ZNF473: variants seen among roughly 807,000 people sequenced by gnomAD.
ZNF473 encodes zinc finger protein 473, also known as zinc finger protein 100 homolog.
In ZNF473, 4 loss-of-function variants were observed where a neutral mutation model predicts 11.1. The observed-to-expected ratio is 0.36, with a 90% CI of 0.18 to 0.82. The LOEUF (loss-of-function observed/expected upper bound fraction) is 0.82, where lower values mean the gene tolerates loss of function less well. ZNF473 is among the 40% of genes least tolerant of loss of function. ZNF473 has a pLI of 0.49. For missense variants in ZNF473, 854 were observed against 1,084.0 expected (o/e 0.79, Z 2.98); for synonymous variants, 404 against 390.4 (o/e 1.03, Z -0.41).
intron 1 of ZNF473, among the ~76,000 whole-genome samples, chr19:50,029,395 C>A (rs570177783): frequency 6.6e-6 from 1 of 152,234 alleles, no homozygotes; most frequent in Non-Finnish European, 1.5e-5. Context: ...ATCCGCCTGC[C>A]TTGGCCTCCC....
rs1459470921 is a variant in ZNF473, at chr19:50,045,216, C to T, written c.773C>T (p.Thr258Ile). 6.2e-7 allele frequency: 1 copy of T among 1,614,214 alleles called. No individual in the cohort carries two copies. The highest frequency in any genetic ancestry group is 8.5e-7 in the Non-Finnish European group (1 of 1,180,042). ...RNASLSVYPK[T>I]HTGYKFYVCN... is the part of the protein sequence containing the mutation. ...GCTTCCCTTTCTGTGTATCCGAAAACTCACACGGGCTACAAATTCTATGTG... is the reference window on the plus strand; with the variant it reads ...GCTTCCCTTTCTGTGTATCCGAAAATTCACACGGGCTACAAATTCTATGTG... The change falls in exon 5 of 5, where the codon ACT (threonine) becomes ATT (isoleucine). Residue 258 changes from threonine to isoleucine, a missense_variant. Around this residue, in one of 2 missense-constraint regions of ZNF473, gnomAD observed 668 missense variants for 790.2 expected, o/e 0.85. Coordinates refer to ENST00000270617, the MANE Select transcript of ZNF473 (RefSeq NM_015428.4).
intron 1 of ZNF473, among the ~76,000 whole-genome samples, chr19:50,027,029 A>G (rs1030278573): frequency 6.6e-6 from 1 of 152,062 alleles, no homozygotes; most frequent in Non-Finnish European, 1.5e-5. Context: ...GCCCTGCTGG[A>G]GTTGCATTTC....
chr19:50,030,762 A>G, intron 1 of ZNF473, 130 bp from the exon 2 acceptor site: 2 of 451,552 alleles, frequency 4.4e-6, no homozygotes, highest in Admixed American at 3.4e-5. Flanking sequence ...TCTCCTAAAC[A>G]TGTGCTGACT....
rs1211973383 is a variant in ZNF473, at chr19:50,030,967, A to T, written c.-116A>T. On this transcript the variant is annotated 5_prime_UTR_variant, in exon 2 of 5. An upstream start codon of the reference 5' UTR is lost. Coordinates refer to ENST00000270617, the MANE Select transcript of ZNF473 (RefSeq NM_015428.4). ...CGTCAGCATGGACAGCGAGTCAGCC[A>T]TGGGTGGAAGGGAGGCTTTCTCACA... 6.8e-7 allele frequency: 1 copy of T among 1,462,118 alleles called. No homozygotes were observed. The highest frequency in any genetic ancestry group is 1.4e-5 in the African/African-American group (1 of 71,192). 90.6% of individuals were successfully genotyped at this position (1,462,118 alleles called of 1,614,324 possible).
In ZNF473 at chr19:50,044,738, A is replaced by G; in HGVS notation, c.295A>G (p.Ile99Val). The G allele has an allele frequency of 6.2e-7, 1 of 1,614,206 alleles. No individual in the cohort carries two copies. Among genetic ancestry groups the G allele is most frequent in the East Asian group, 2.2e-5 (1 of 44,886 alleles). Residue 99 changes from isoleucine (I) to valine (V), a missense_variant, in exon 5 of 5, where the codon ATA becomes GTA. By Grantham distance (29) the Ile-to-Val change is conservative. Coordinates refer to ENST00000270617, the MANE Select transcript of ZNF473 (RefSeq NM_015428.4). ...CGAAGAAGGATTCTCCCAGGAGATT[A>G]TAGAGATGTTATCCAAGGATGGCTT... is the stretch of plus-strand genomic sequence containing the variant. ...FFEEGFSQEI[I>V]EMLSKDGFWN...
chr19:50,044,773 C>T lies in ZNF473; in HGVS notation c.330C>T (p.Ser110=). 1 of 1,614,212 alleles carries T rather than the reference C, an allele frequency of 6.2e-7. No homozygotes were observed. The highest frequency in any genetic ancestry group is 8.5e-7 in the Non-Finnish European group (1 of 1,180,022). The part of the protein sequence containing the change: ...EMLSKDGFWN[S]NFGEACIEDT... Reference sequence around the variant, plus strand: ...TATCCAAGGATGGCTTCTGGAACTCCAATTTCGGAGAAGCCTGTATAGAGG... The same window carrying T: ...TATCCAAGGATGGCTTCTGGAACTCTAATTTCGGAGAAGCCTGTATAGAGG... The change falls in exon 5 of 5, where the codon TCC becomes TCT. Residue 110 remains serine (S), a synonymous_variant. Coordinates refer to ENST00000270617, the MANE Select transcript of ZNF473 (RefSeq NM_015428.4).
rs1160274331 is a variant in ZNF473, at chr19:50,029,848, ATACTTTTTT to A, written c.-191-1042_-191-1034del. Among the ~76,000 whole-genome samples, 4 of 150,376 alleles carry A rather than the reference ATACTTTTTT, an allele frequency of 2.7e-5. No individual in the cohort carries two copies. In the South Asian group the frequency reaches 8.3e-4, roughly 31 times the overall value. ...TACACTGTGTGTTTGAGTAGTCATGATACTTTTTTTTTTTCTTTTTTGAGATGGAGTCTC... is the reference window on the plus strand; with the variant it reads ...TACACTGTGTGTTTGAGTAGTCATGATTTTTCTTTTTTGAGATGGAGTCTC... On this transcript the variant is annotated intron_variant, in intron 1 of 4. Coordinates refer to ENST00000270617, the MANE Select transcript of ZNF473 (RefSeq NM_015428.4).
intron 1 of ZNF473, among the ~76,000 whole-genome samples, chr19:50,027,448 C>T (rs10425282): frequency 0.052 from 7,983 of 152,236 alleles, 688 homozygotes; most frequent in African/African-American, 0.18. Flanking sequence ...CCCAAGGTCT[C>T]TCAGCCTGAT....
At position 50,046,604 on chromosome 19, in the gene ZNF473, C is replaced by G; in HGVS notation, c.2161C>G (p.Gln721Glu). 1 of 1,614,250 alleles carries G rather than the reference C, an allele frequency of 6.2e-7. No homozygotes were observed. The highest frequency in any genetic ancestry group is 8.5e-7 in the Non-Finnish European group (1 of 1,180,050). ...FRQSSCLSKH[Q>E]RIHSGEKPYV... ...TCAGAGCTCATGCCTTTCTAAGCAT[C>G]AGAGAATTCACTCAGGTGAGAAGCC... The change falls in exon 5 of 5, where the codon CAG becomes GAG. Residue 721 changes from glutamine (Q) to glutamate (E), a missense_variant. Gln to Glu is a conservative substitution (Grantham distance 29). Coordinates refer to ENST00000270617, the MANE Select transcript of ZNF473 (RefSeq NM_015428.4). The surrounding 1 kb of genome is among the most constrained non-coding windows in gnomAD (Gnocchi z 5.9).
chr19:50,035,329 G>A (rs1023312885), intron 2 of ZNF473, among the ~76,000 whole-genome samples: 4 of 152,020 alleles, frequency 2.6e-5, no homozygotes, highest in East Asian at 1.9e-4. Context: ...TCTAGTCGAC[G>A]GTAGAGTTCA....
At chr19:50,030,152 A>G (rs530061928) in intron 1 of ZNF473, among the ~76,000 whole-genome samples, 34 of 152,182 alleles carry the variant, frequency 2.2e-4, no homozygotes, top group Non-Finnish European at 3.8e-4. Flanking sequence ...TGCCTGGCCT[A>G]TTCTACATAT....
chr19:50,034,044 G>T (rs758770734), intron 2 of ZNF473, among the ~76,000 whole-genome samples: 2 of 152,164 alleles, frequency 1.3e-5, no homozygotes, highest in Non-Finnish European at 1.5e-5. Flanking sequence ...CAATCTACAG[G>T]ATATCTCAAA....
At position 50,045,429 on chromosome 19, in the gene ZNF473, T is replaced by C. The variant is rs371890319; in HGVS notation, c.986T>C (p.Phe329Ser). The C allele has an allele frequency of 6.8e-6, 11 of 1,614,018 alleles. No homozygotes were observed. In the African/African-American group the frequency reaches 1.2e-4, roughly 18 times the overall value. ...AACTGTAACGAATGCGGCAAGGCTT[T>C]TACCCGGATCTTCCACCTTACTCGG... is the stretch of plus-strand genomic sequence containing the variant. ...SYNCNECGKA[F>S]TRIFHLTRHQ... Residue 329 changes from phenylalanine (F) to serine (S), a missense_variant, in exon 5 of 5, where the codon TTT (phenylalanine) becomes TCT (serine). Coordinates refer to ENST00000270617, the MANE Select transcript of ZNF473 (RefSeq NM_015428.4).
Position 50,041,945 on chromosome 19 carries a change from C to A in ZNF473, c.226+126C>A, listed in dbSNP as rs551180697. 1.7e-3 allele frequency: 1,244 copies of A among 713,736 alleles called. 20 individuals carry two copies. The South Asian group carries it at 0.024, about 14-fold the overall frequency. 44.2% of individuals were successfully genotyped at this position (713,736 alleles called of 1,614,324 possible). On this transcript the variant is annotated intron_variant, in intron 4 of 4. Coordinates refer to ENST00000270617, the MANE Select transcript of ZNF473 (RefSeq NM_015428.4). ...CGCTCAGCTTCAGGACTTCACTCTG[C>A]TTCTCGCTGGCTTCCATCCCCTTGT...
intron 1 of ZNF473, among the ~76,000 whole-genome samples, chr19:50,029,224 G>A (rs2077303861): frequency 1.3e-5 from 2 of 152,146 alleles, no homozygotes; most frequent in South Asian, 4.1e-4. Context: ...CTCACTGCAA[G>A]CTCCACCTCC....
intron 1 of ZNF473, among the ~76,000 whole-genome samples, chr19:50,026,537 C>T (rs1342413452): frequency 7.4e-6 from 1 of 135,228 alleles, no homozygotes; most frequent in African/African-American, 2.8e-5. Flanking sequence ...GGTGACAGAG[C>T]GAGACTACAT....
rs1979148005 is a variant in ZNF473 at position 50,046,693 on chromosome 19, A to G, written c.2250A>G (p.Arg750=). The G allele has an allele frequency of 6.2e-7, 1 of 1,614,206 alleles. No individual in the cohort carries two copies. The highest frequency in any genetic ancestry group is 8.5e-7 in the Non-Finnish European group (1 of 1,180,028). Residue 750 remains arginine, a synonymous_variant, in exon 5 of 5, where the codon AGA becomes AGG. Coordinates refer to ENST00000270617, the MANE Select transcript of ZNF473 (RefSeq NM_015428.4). This position sits in a 1 kb window ranked among gnomAD's most constrained non-coding sequence, Gnocchi z 5.9. ...GLSAELVRHQ[R]IHTGEKPYVC... is the part of the protein sequence containing the mutation. ...GTGCTGAGCTTGTCCGCCACCAGAG[A>G]ATTCACACTGGAGAAAAGCCTTATG...
Position 50,046,603 on chromosome 19 carries a change from T to C in ZNF473, c.2160T>C (p.His720=), listed in dbSNP as rs1314950399. The change falls in exon 5 of 5, where the codon CAT becomes CAC. Residue 720 remains histidine (H), a synonymous_variant. Transcript: ENST00000270617. The surrounding 1 kb of genome is among the most constrained non-coding windows in gnomAD (Gnocchi z 5.9). ...GTCAGAGCTCATGCCTTTCTAAGCATCAGAGAATTCACTCAGGTGAGAAGC... is the reference window on the plus strand; with the variant it reads ...GTCAGAGCTCATGCCTTTCTAAGCACCAGAGAATTCACTCAGGTGAGAAGC... ...TFRQSSCLSK[H]QRIHSGEKPY... The C allele has an allele frequency of 1.2e-6, 2 of 1,614,072 alleles. No individual in the cohort carries two copies. Among genetic ancestry groups the C allele is most frequent in the Non-Finnish European group, 1.7e-6 (2 of 1,180,044 alleles).
intron 2 of ZNF473, among the ~76,000 whole-genome samples, chr19:50,034,181 T>C (rs2077333096): frequency 1.3e-5 from 2 of 152,192 alleles, no homozygotes. Flanking sequence ...GGGTCTTCTG[T>C]CTTTCACACC....
Sources: allele counts gnomAD v4.1 joint callset (sites outside exome capture counted in the v4.1 genomes callset), GRCh38; gene constraint gnomAD v4.1.1; regional missense constraint gnomAD v4.1.1; non-coding constraint Gnocchi (gnomAD v3.1); transcripts MANE v1.5; gene names NCBI Gene and HGNC (gene_info 2026-07-23, HGNC 2026-07-21).